Variants in AK8 observed in about 807,000 individuals in gnomAD.
AK8 encodes adenylate kinase 8.
In AK8, 44 loss-of-function variants were observed where a neutral mutation model predicts 54.6. The observed-to-expected ratio is 0.81, with a 90% CI of 0.63 to 1.04. AK8 has a LOEUF of 1.04. AK8 is among the 50% of genes least tolerant of loss of function. The pLI, the probability that AK8 is intolerant of heterozygous loss-of-function variation, is 0.00. For synonymous variants in AK8, 239 were observed against 245.6 expected (o/e 0.97, Z 0.25); for missense variants, 555 against 613.6 (o/e 0.90, Z 1.01).
At chr9:132,772,809 T>C (rs555869973) in intron 11 of AK8, among the ~76,000 whole-genome samples, 87 of 152,258 alleles carry the variant, frequency 5.7e-4, no homozygotes, top group Non-Finnish European at 1.1e-3. Flanking sequence ...ATGTCCTACA[T>C]CCAGTGTGAT....
rs1838899219 is a variant in AK8 at position 132,770,155 on chromosome 9, A to C, written c.1121+22479T>G. 1 of 152,152 alleles carries C rather than the reference A, an allele frequency of 6.6e-6. No individual in the cohort carries two copies. The highest frequency in any genetic ancestry group is 2.4e-5 in the African/African-American group (1 of 41,410). The allele number at this position is 152,152 out of a possible 1,614,324, so 9.4% of individuals were successfully genotyped here. On this transcript the variant is annotated intron_variant, in intron 11 of 12. Transcript: ENST00000298545. The surrounding 1 kb of genome is among the most constrained non-coding windows in gnomAD (Gnocchi z 4.3). ...CGTGGGGACCGGGCTAGGGAGGGAA[A>C]CGGAACCAGGGGAAGGCCTGGGGGG...
At chr9:132,858,561 C>T (rs1322247236) in intron 4 of AK8, among the ~76,000 whole-genome samples, 2 of 152,156 alleles carry the variant, frequency 1.3e-5, no homozygotes, top group African/African-American at 4.8e-5. Flanking sequence ...AGGTGAGATG[C>T]CCTGATCTGA....
intron 5 of AK8, among the ~76,000 whole-genome samples, chr9:132,854,164 G>C (rs1843081911): frequency 2.0e-5 from 3 of 152,122 alleles, no homozygotes; most frequent in Admixed American, 2.0e-4. Context: ...CATGCCACTG[G>C]GGTCCAGCCT....
chr9:132,753,164 C>T (rs1838028983), intron 11 of AK8, among the ~76,000 whole-genome samples: 2 of 152,232 alleles, frequency 1.3e-5, no homozygotes, highest in African/African-American at 2.4e-5. Flanking sequence ...AGCCAGGCCA[C>T]TGTTGACCTC....
chr9:132,775,584 C>T (rs1056914670), intron 11 of AK8, among the ~76,000 whole-genome samples: 5 of 152,206 alleles, frequency 3.3e-5, no homozygotes, highest in Admixed American at 6.5e-5. Flanking sequence ...GCTGGGATTA[C>T]AGGCATGAGC....
chr9:132,812,545 C>CGGGTGAGCCGCCGCGCCCACTGGGATGAT lies in AK8; in HGVS notation c.979+2092_979+2093insATCATCCCAGTGGGCGCGGCGGCTCACCC, dbSNP rs1564415133. Among the ~76,000 whole-genome samples, 277 of 101,522 alleles carry CGGGTGAGCCGCCGCGCCCACTGGGATGAT rather than the reference C, an allele frequency of 2.7e-3. 9 individuals carry two copies. The highest frequency in any genetic ancestry group is 0.011 in the Admixed American group (132 of 11,500). The allele number at this position is 101,522 out of a possible 152,430, so 66.6% of individuals were successfully genotyped here. On this transcript the variant is annotated intron_variant, in intron 10 of 12. Coordinates refer to ENST00000298545, the MANE Select transcript of AK8 (RefSeq NM_152572.3). The stretch of plus-strand genomic sequence containing the variant: ...TGAGCTACCGTGCCCACTGGGATGA[C>CGGGTGAGCCGCCGCGCCCACTGGGATGAT]GGGTGAGCCGCCGCGCCCGGCCGCT...
At position 132,821,803 on chromosome 9, in the gene AK8, ATGTG is replaced by A. The variant is rs1180834216; in HGVS notation, c.889+1398_889+1401del. The stretch of plus-strand genomic sequence containing the variant: ...TATGTATATACAAATATATACATAT[ATGTG>A]TATGTATATACAAATATATACATAT... On this transcript the variant is annotated intron_variant, in intron 9 of 12. Transcript: ENST00000298545. Among the ~76,000 whole-genome samples, 3 of 136,942 alleles carry A rather than the reference ATGTG, an allele frequency of 2.2e-5. 1 individual carries two copies. Among genetic ancestry groups the A allele is most frequent in the Non-Finnish European group, 4.6e-5 (3 of 65,020 alleles). The allele number at this position is 136,942 out of a possible 152,430, so 89.8% of individuals were successfully genotyped here. A position where few individuals can be genotyped will look rare whatever the true frequency, so the allele number is the denominator to read the frequency against.
chr9:132,801,031 T>C (rs1328094051), intron 10 of AK8, among the ~76,000 whole-genome samples: 1 of 151,836 alleles, frequency 6.6e-6, no homozygotes, highest in Non-Finnish European at 1.5e-5. Context: ...TTCAAGAGAT[T>C]CTCCTGCCTC....
At chr9:132,747,182 C>T in intron 11 of AK8, among the ~76,000 whole-genome samples, 1 of 152,174 alleles carries the variant, frequency 6.6e-6, no homozygotes, top group Non-Finnish European at 1.5e-5. Context: ...CGCTCTGTTG[C>T]CAGGCTGGAG....
At chr9:132,868,064 C>T (rs566921462) in intron 2 of AK8, among the ~76,000 whole-genome samples, 1 of 152,314 alleles carries the variant, frequency 6.6e-6, no homozygotes, top group Admixed American at 6.5e-5. Flanking sequence ...AAGCCGGTAA[C>T]CTTGGCCTGG....
rs1231145353 is a variant in AK8 at position 132,826,704 on chromosome 9, G to A, written c.757+150C>T. On this transcript the variant is annotated intron_variant, in intron 8 of 12. Transcript: ENST00000298545. This position sits in a 1 kb window ranked among gnomAD's most constrained non-coding sequence, Gnocchi z 4.5. ...TCTGCACACATGCATTTCTGGGCAG[G>A]GAACCCGGGTCATCTATGTCTTGAC... 1.1e-6 allele frequency: 1 copy of A among 913,000 alleles called. No homozygotes were observed. Among genetic ancestry groups the A allele is most frequent in the Non-Finnish European group, 1.6e-6 (1 of 609,586 alleles). The allele number at this position is 913,000 out of a possible 1,614,324, so 56.6% of individuals were successfully genotyped here. A position where few individuals can be genotyped will look rare whatever the true frequency, so the allele number is the denominator to read the frequency against.
At chr9:132,727,632 C>G in intron 11 of AK8, 98 bp from the exon 12 acceptor site, 1 of 1,186,388 alleles carries the variant, frequency 8.4e-7, no homozygotes, top group Non-Finnish European at 1.2e-6. Context: ...GAGACTGCTC[C>G]TCCCAGGGCT....
intron 11 of AK8, among the ~76,000 whole-genome samples, chr9:132,756,003 G>T (rs1590201827): frequency 6.6e-6 from 1 of 152,166 alleles, no homozygotes; most frequent in Non-Finnish European, 1.5e-5. Context: ...CTGACCTCAA[G>T]TGATCCACCT....
intron 11 of AK8, among the ~76,000 whole-genome samples, chr9:132,746,459 C>T (rs1372706407): frequency 2.0e-5 from 3 of 152,334 alleles, no homozygotes; most frequent in Non-Finnish European, 4.4e-5. Flanking sequence ...TCTAAGGGGA[C>T]AGGGATGGCA....
At chr9:132,872,905 G>A (rs1396452527) in intron 2 of AK8, among the ~76,000 whole-genome samples, 1 of 152,206 alleles carries the variant, frequency 6.6e-6, no homozygotes, top group African/African-American at 2.4e-5. Context: ...TCCGCCTCCT[G>A]GGTTCACACC....
At chr9:132,796,951 G>T (rs1840201804) in intron 10 of AK8, among the ~76,000 whole-genome samples, 1 of 152,136 alleles carries the variant, frequency 6.6e-6, no homozygotes, top group African/African-American at 2.4e-5. Context: ...GAAAGCAGAG[G>T]TCACAGAAGT....
intron 11 of AK8, among the ~76,000 whole-genome samples, chr9:132,763,981 C>T (rs1838605100): frequency 3.9e-5 from 6 of 152,182 alleles, no homozygotes; most frequent in Admixed American, 2.6e-4. Flanking sequence ...CCCAACCCCA[C>T]ATGAGTACAA....
chr9:132,798,650 T>G (rs1409168546), intron 10 of AK8, among the ~76,000 whole-genome samples: 1 of 151,988 alleles, frequency 6.6e-6, no homozygotes, highest in Non-Finnish European at 1.5e-5. Context: ...GATATGAGTA[T>G]CTCATTATTT....
chr9:132,855,338 CTGCCCACGTGGCTG>C (rs1843135566), intron 4 of AK8, among the ~76,000 whole-genome samples: 1 of 152,196 alleles, frequency 6.6e-6, no homozygotes, highest in East Asian at 1.9e-4. Context: ...CGCTAATGGA[CTGCCCACGTGGCTG>C]TGTCCCCAGG....
Sources: gnomAD v4.1 joint callset for allele counts (sites outside exome capture counted in the v4.1 genomes callset) on GRCh38, gnomAD v4.1.1 for gene constraint, Gnocchi (gnomAD v3.1) non-coding constraint, MANE v1.5 for transcripts, NCBI Gene and HGNC (gene_info 2026-07-23, HGNC 2026-07-21) for gene names.